Variants in SF3B3 observed in about 807,000 individuals in gnomAD.
SF3B3 encodes the protein SAP 130.
Under a neutral mutation model 139.2 loss-of-function variants are expected in SF3B3, and 33 were observed. That is an observed-to-expected ratio of 0.24 (90% CI 0.18 to 0.32). The LOEUF is 0.32. Among genes scored for constraint, SF3B3 ranks in the 10% least tolerant of loss-of-function variants. SF3B3 has a pLI of 1.00. For missense variants in SF3B3, 818 were observed against 1,509.4 expected, an observed-to-expected ratio of 0.54 and a Z score of 7.59; for synonymous variants, 596 against 563.6, an observed-to-expected ratio of 1.06 and a Z score of -0.81.
At position 70,571,184 on chromosome 16, in the gene SF3B3, C is replaced by T. The variant is rs2050525625; in HGVS notation, c.3498C>T (p.Tyr1166=). 2 of 1,611,680 alleles carry T rather than the reference C, an allele frequency of 1.2e-6. No homozygotes were observed. Among genetic ancestry groups the T allele is most frequent in the African/African-American group, 1.3e-5 (1 of 74,870 alleles). The change falls in exon 25 of 26, where the codon TAC becomes TAT. Residue 1166 remains tyrosine, a synonymous_variant. Transcript: ENST00000302516. ...GGGACCACCTCAGCTTTCGCTCCTA[C>T]TACTTCCCTGTGAAGGTAGGTTGGG... is the stretch of plus-strand genomic sequence containing the variant. ...CGRDHLSFRS[Y]YFPVKNVIDG...
Position 70,570,158 on chromosome 16 carries a change from G to T in SF3B3, c.3408+9G>T. On this transcript the variant is annotated intron_variant, in intron 24 of 25. Coordinates refer to ENST00000302516, the MANE Select transcript of SF3B3 (RefSeq NM_012426.5). ...CATTCACGTCCCATGAGGTGAGAGC[G>T]CCCACATTACTCTGGCCTTGACTTT... 3.1e-6 allele frequency: 5 copies of T among 1,613,736 alleles called. No individual in the cohort carries two copies. The highest frequency in any genetic ancestry group is 3.4e-6 in the Non-Finnish European group (4 of 1,179,850).
chr16:70,562,282 A>G (rs750841805), intron 17 of SF3B3, among the ~76,000 whole-genome samples: 4 of 152,222 alleles, frequency 2.6e-5, no homozygotes, highest in Non-Finnish European at 5.9e-5. Flanking sequence ...ACCTAAAATA[A>G]TTCAGTCAGT....
intron 6 of SF3B3, among the ~76,000 whole-genome samples, chr16:70,536,644 C>T (rs2050170852): frequency 6.6e-6 from 1 of 151,808 alleles, no homozygotes. Flanking sequence ...CAGGCGTGAG[C>T]CACCGCACCC....
rs556145665 is a variant in SF3B3, at chr16:70,567,482, G to A, written c.2898G>A (p.Leu966=). ...QGRVLIGVGK[L]LRVYDLGKKK... ...GGGTGTTGATTGGTGTGGGGAAGCTGTTGCGTGTCTATGACCTGGGAAAGA... is the reference window on the plus strand; with the variant it reads ...GGGTGTTGATTGGTGTGGGGAAGCTATTGCGTGTCTATGACCTGGGAAAGA... The change falls in exon 21 of 26, where the codon CTG becomes CTA. Residue 966 remains leucine (L), a synonymous_variant. Transcript: ENST00000302516. The A allele has an allele frequency of 2.5e-6, 4 of 1,614,032 alleles. No individual in the cohort carries two copies. The South Asian group carries it at 3.3e-5, about 13-fold the overall frequency.
intron 15 of SF3B3, 78 bp downstream of exon 15, chr16:70,557,107 A>C (rs2050386055): frequency 7.0e-7 from 1 of 1,433,076 alleles, no homozygotes; most frequent in South Asian, 1.4e-5. Flanking sequence ...GATAACAGGG[A>C]TTTTCTCTGC....
rs748277889 is a variant in SF3B3 at position 70,568,307 on chromosome 16, A to G, written c.2977A>G (p.Ile993Val). 6.2e-7 allele frequency: 1 copy of G among 1,612,736 alleles called. No homozygotes were observed. The highest frequency in any genetic ancestry group is 8.5e-7 in the Non-Finnish European group (1 of 1,178,792). The change falls in exon 22 of 26, where the codon ATC (isoleucine) becomes GTC (valine). Residue 993 changes from isoleucine (I) to valine (V), a missense_variant. Around this residue, in one of 14 missense-constraint regions of SF3B3, gnomAD observed 145 missense variants for 153.6 expected, o/e 0.94. Coordinates refer to ENST00000302516, the MANE Select transcript of SF3B3 (RefSeq NM_012426.5). ...NKHIANYISG[I>V]QTIGHRVIVS... Reference sequence around the variant, plus strand: ...GCATATTGCCAATTATATCTCTGGGATCCAGACTATCGGACATAGGGTAAT... The same window carrying G: ...GCATATTGCCAATTATATCTCTGGGGTCCAGACTATCGGACATAGGGTAAT...
chr16:70,527,510 T>G (rs533199900), intron 2 of SF3B3, among the ~76,000 whole-genome samples: 13 of 152,370 alleles, frequency 8.5e-5, no homozygotes, highest in African/African-American at 3.1e-4. Context: ...AGAGGCAGCC[T>G]AACTGACCAC....
rs2050546091 is a variant in SF3B3 at position 70,573,191 on chromosome 16, C to G, written c.*1378C>G. The G allele has an allele frequency of 6.6e-6, 1 of 152,166 alleles. No homozygotes were observed. The highest frequency in any genetic ancestry group is 1.5e-5 in the Non-Finnish European group (1 of 68,012). The allele number at this position is 152,166 out of a possible 1,614,324, so 9.4% of individuals were successfully genotyped here. Reference sequence around the variant, plus strand: ...CCAGGTTTTGCCAGGAATCGAATCCCTAAATAACATGTTTTTTTCTCACTT... The same window carrying G: ...CCAGGTTTTGCCAGGAATCGAATCCGTAAATAACATGTTTTTTTCTCACTT... On this transcript the variant is annotated 3_prime_UTR_variant, in exon 26 of 26. Coordinates refer to ENST00000302516, the MANE Select transcript of SF3B3 (RefSeq NM_012426.5).
chr16:70,574,968 A>G lies in SF3B3; in HGVS notation c.*3155A>G, dbSNP rs1283433393. ...CTGCTGCTGAAATCAAACCTGGTCC[A>G]AAAAACGTCACAACGGAGGAAAGGA... is the stretch of plus-strand genomic sequence containing the variant. On this transcript the variant is annotated 3_prime_UTR_variant, in exon 26 of 26. Coordinates refer to ENST00000302516, the MANE Select transcript of SF3B3 (RefSeq NM_012426.5). 2.0e-5 allele frequency: 3 copies of G among 152,164 alleles called. No homozygotes were observed. The highest frequency in any genetic ancestry group is 6.5e-5 in the Admixed American group (1 of 15,270). 9.4% of individuals were successfully genotyped at this position (152,164 alleles called of 1,614,324 possible).
At chr16:70,564,466 C>T (rs1425156191) in intron 18 of SF3B3, among the ~76,000 whole-genome samples, 1 of 152,160 alleles carries the variant, frequency 6.6e-6, no homozygotes, top group Non-Finnish European at 1.5e-5. Flanking sequence ...CCCCAAAGTA[C>T]TTCATTTTAG....
intron 1 of SF3B3, among the ~76,000 whole-genome samples, chr16:70,525,835 C>T (rs930654308): frequency 1.3e-5 from 2 of 151,734 alleles, no homozygotes; most frequent in Middle Eastern, 3.4e-3. Flanking sequence ...GTGGCGGGCG[C>T]CTGTTGTCCC....
At chr16:70,563,811 C>G (rs2050451047) in intron 17 of SF3B3, 65 bp from the exon 18 acceptor site, 1 of 1,513,002 alleles carries the variant, frequency 6.6e-7, no homozygotes, top group South Asian at 1.2e-5. Flanking sequence ...TGCTCAAAGT[C>G]TATTTCAACA....
chr16:70,524,935 C>T (rs1038592862), intron 1 of SF3B3: 1 of 151,872 alleles, frequency 6.6e-6, no homozygotes, highest in East Asian at 2.0e-4. Context: ...GCCTTGGCCT[C>T]CCAAAGTGTT....
intron 22 of SF3B3, 126 bp from the exon 23 acceptor site, chr16:70,568,917 G>A (rs1597725072): frequency 1.6e-6 from 1 of 629,228 alleles, no homozygotes; most frequent in Non-Finnish European, 2.8e-6. Context: ...GGACACGTGG[G>A]CTCAGGCCTC....
intron 9 of SF3B3, among the ~76,000 whole-genome samples, chr16:70,544,079 T>A (rs1347842709): frequency 6.6e-6 from 1 of 152,218 alleles, no homozygotes; most frequent in African/African-American, 2.4e-5. Flanking sequence ...GCAAAATATT[T>A]TTTAAAGTTG....
intron 4 of SF3B3, among the ~76,000 whole-genome samples, chr16:70,531,426 G>A (rs1017320190): frequency 1.8e-4 from 27 of 152,060 alleles, no homozygotes; most frequent in Admixed American, 1.7e-3. Context: ...TACAGGTGCT[G>A]CCACAACGCC....
At chr16:70,538,823 G>A (rs535096801) in intron 7 of SF3B3, among the ~76,000 whole-genome samples, 1 of 152,306 alleles carries the variant, frequency 6.6e-6, no homozygotes, top group Non-Finnish European at 1.5e-5. Flanking sequence ...ATAGCTGTTT[G>A]GATCAGGAAT....
Position 70,565,259 on chromosome 16 carries a change from G to T in SF3B3, c.2658G>T (p.Glu886Asp). Residue 886 changes from glutamate (E) to aspartate (D), a missense_variant, in exon 19 of 26, where the codon GAG (glutamate) becomes GAT (aspartate). Physicochemically the swap from Glu to Asp is conservative, Grantham distance 45 (BLOSUM62 2). Transcript: ENST00000302516. ...TLDLVQLEQN[E>D]AAFSVAVCRF... is the part of the protein sequence containing the mutation. ...ACCTTGTCCAGCTGGAACAGAATGA[G>T]GCAGCTTTTAGGTAAGCAGCCCAGG... 6.2e-7 allele frequency: 1 copy of T among 1,614,206 alleles called. No homozygotes were observed. Among genetic ancestry groups the T allele is most frequent in the Non-Finnish European group, 8.5e-7 (1 of 1,180,028 alleles).
chr16:70,533,358 CAG>C (rs910470070), intron 5 of SF3B3, among the ~76,000 whole-genome samples: 12 of 151,574 alleles, frequency 7.9e-5, no homozygotes, highest in African/African-American at 2.7e-4. Flanking sequence ...AAAAGTAAAA[CAG>C]ATTTCTCTAG....
Sources: allele counts gnomAD v4.1 joint callset (sites outside exome capture counted in the v4.1 genomes callset), GRCh38; gene constraint gnomAD v4.1.1; regional missense constraint gnomAD v4.1.1; transcripts MANE v1.5; gene names NCBI Gene and HGNC (gene_info 2026-07-23, HGNC 2026-07-21).